The following ODC1 variants were observed in gnomAD, a reference collection of about 807,000 sequenced individuals.
ODC1 encodes ornithine decarboxylase.
In ODC1, 18 loss-of-function variants were observed where a neutral mutation model predicts 41.5. The ratio of observed to expected loss-of-function variants is 0.43; its 90% CI spans 0.30 to 0.64. The LOEUF is 0.64. Among genes scored for constraint, ODC1 ranks in the 30% least tolerant of loss-of-function variants. ODC1 has a pLI of 0.11. For synonymous variants in ODC1, 218 were observed against 211.6 expected (o/e 1.03, Z -0.26); for missense variants, 504 against 589.0 (o/e 0.86, Z 1.49).
Position 10,443,349 on chromosome 2 carries a change from C to G in ODC1, c.667-36G>C, listed in dbSNP as rs765895777. The G allele has an allele frequency of 1.7e-5, 27 of 1,593,842 alleles. No homozygotes were observed. In the South Asian group the frequency reaches 2.7e-4, roughly 16 times the overall value. On this transcript the variant is annotated intron_variant, in intron 7 of 11. Coordinates refer to ENST00000234111, the MANE Select transcript of ODC1 (RefSeq NM_002539.3). Reference sequence around the variant, plus strand: ...GAAAATAAGTCAGCCAGATCCACAGCTAATAACAAAAATGTATGCAGCAGA... The same window carrying G: ...GAAAATAAGTCAGCCAGATCCACAGGTAATAACAAAAATGTATGCAGCAGA...
At chr2:10,441,019 C>T (rs995404454) in intron 11 of ODC1, 151 bp from the exon 12 acceptor site, 21 of 899,528 alleles carry the variant, frequency 2.3e-5, no homozygotes, top group Admixed American at 1.4e-4. Context: ...TACAATGGTG[C>T]TATCATAGCT....
rs1271853206 is a variant in ODC1 at position 10,442,050 on chromosome 2, G to A, written c.875C>T (p.Ala292Val). ...SAFTLAVNII[A>V]KKIVLKEQTG... The stretch of plus-strand genomic sequence containing the variant: ...CTGTTCCTTTAATACAATTTTCTTG[G>A]CAATGATATTAACTGCAAGCGTGAA... The change falls in exon 9 of 12, where the codon GCC (alanine) becomes GTC (valine). Residue 292 changes from alanine (A) to valine (V), a missense_variant. By Grantham distance (64) the Ala-to-Val change is moderately conservative. Around this residue, in one of 3 missense-constraint regions of ODC1, gnomAD observed 447 missense variants for 524.4 expected, o/e 0.85. Transcript: ENST00000234111. The A allele has an allele frequency of 1.2e-6, 2 of 1,613,768 alleles. No individual in the cohort carries two copies. Among genetic ancestry groups the A allele is most frequent in the African/African-American group, 2.7e-5 (2 of 74,868 alleles).
chr2:10,445,191 C>T lies in ODC1; in HGVS notation c.-54G>A, dbSNP rs191647439. On this transcript the variant is annotated 5_prime_UTR_variant, in exon 2 of 12. Coordinates refer to ENST00000234111, the MANE Select transcript of ODC1 (RefSeq NM_002539.3). ...AGAGATGGAATTGAAAGAAATATTT[C>T]CAGCTTCTCACAAAGGCAACTCTCC... is the stretch of plus-strand genomic sequence containing the variant. The T allele has an allele frequency of 3.4e-5, 19 of 565,850 alleles. No homozygotes were observed. In the Admixed American group the frequency reaches 5.5e-4, roughly 16 times the overall value. The allele number at this position is 565,850 out of a possible 1,614,324, so 35.1% of individuals were successfully genotyped here. A position where few individuals can be genotyped will look rare whatever the true frequency, so the allele number is the denominator to read the frequency against.
At chr2:10,443,128 T>A (rs1671886384) in intron 8 of ODC1, 102 bp downstream of exon 8, 2 of 861,034 alleles carry the variant, frequency 2.3e-6, no homozygotes, top group Non-Finnish European at 3.9e-6. Flanking sequence ...CCAAGACACT[T>A]CAGCCCATTG....
Position 10,444,516 on chromosome 2 carries a change from C to T in ODC1, c.234G>A (p.Lys78=), listed in dbSNP as rs1193487341. The T allele has an allele frequency of 6.2e-7, 1 of 1,613,666 alleles. No homozygotes were observed. The highest frequency in any genetic ancestry group is 1.3e-5 in the African/African-American group (1 of 74,926). Residue 78 remains lysine (K), a synonymous_variant, in exon 4 of 12, where the codon AAG becomes AAA. Coordinates refer to ENST00000234111, the MANE Select transcript of ODC1 (RefSeq NM_002539.3). ...ATCCTGTCCCGGTAGCAGCAAGGGTCTTCACGATGGCTTTGCTATCATTAC... is the reference window on the plus strand; with the variant it reads ...ATCCTGTCCCGGTAGCAGCAAGGGTTTTCACGATGGCTTTGCTATCATTAC... The part of the protein sequence containing the change: ...VKCNDSKAIV[K]TLAATGTGFD...
intron 1 of ODC1, among the ~76,000 whole-genome samples, chr2:10,446,557 T>G (rs1285524919): frequency 6.6e-6 from 1 of 152,222 alleles, no homozygotes; most frequent in African/African-American, 2.4e-5. Context: ...GGGGCTAACT[T>G]CACCAAAAAA....
At position 10,440,235 on chromosome 2, in the gene ODC1, C is replaced by T. The variant is rs938490008; in HGVS notation, c.*489G>A. ...GTGGGGTGGGCTGAGCAGATGTGCA[C>T]CGTCCACATGGGAGGATGGGGCTTC... is the stretch of plus-strand genomic sequence containing the variant. On this transcript the variant is annotated 3_prime_UTR_variant, in exon 12 of 12. Transcript: ENST00000234111. 3 of 154,984 alleles carry T rather than the reference C, an allele frequency of 1.9e-5. No homozygotes were observed. The highest frequency in any genetic ancestry group is 1.9e-4 in the Admixed American group (3 of 15,612). The allele number at this position is 154,984 out of a possible 1,614,324, so 9.6% of individuals were successfully genotyped here.
Position 10,443,591 on chromosome 2 carries a change from C to G in ODC1, c.585-20G>C. The G allele has an allele frequency of 6.2e-7, 1 of 1,611,350 alleles. No individual in the cohort carries two copies. Among genetic ancestry groups the G allele is most frequent in the South Asian group, 1.1e-5 (1 of 91,034 alleles). ...TGGAAGCTGGGGTAAAATAAAGAGA[C>G]GAGACACTGTGTCTTAGTATTTCTT... is the stretch of plus-strand genomic sequence containing the variant. On this transcript the variant is annotated intron_variant, in intron 6 of 11. Transcript: ENST00000234111.
intron 1 of ODC1, chr2:10,446,664 AT>A: frequency 3.0e-6 from 1 of 330,774 alleles, no homozygotes; most frequent in Non-Finnish European, 5.8e-6. Flanking sequence ...TCTTAAAATT[AT>A]TTATTTTAAC....
Position 10,441,804 on chromosome 2 carries a change from G to A in ODC1, c.1026+13C>T. 1 of 1,612,874 alleles carries A rather than the reference G, an allele frequency of 6.2e-7. No individual in the cohort carries two copies. Among genetic ancestry groups the A allele is most frequent in the Non-Finnish European group, 8.5e-7 (1 of 1,178,896 alleles). ...TCCTCTTAATTGTTTTATACAGTAT[G>A]CTCAGAAATTACCTTTTGCAGAAGG... is the stretch of plus-strand genomic sequence containing the variant. On this transcript the variant is annotated intron_variant, in intron 10 of 11. Transcript: ENST00000234111.
chr2:10,447,901 G>A (rs1672086126), intron 1 of ODC1: 1 of 152,232 alleles, frequency 6.6e-6, no homozygotes, highest in Admixed American at 6.5e-5. Context: ...GAGCTGTGAA[G>A]ACGGGGGCAG....
chr2:10,441,576 C>G lies in ODC1; in HGVS notation c.1174G>C (p.Ala392Pro), dbSNP rs1487841758. 6.2e-7 allele frequency: 1 copy of G among 1,614,176 alleles called. No individual in the cohort carries two copies. Among genetic ancestry groups the G allele is most frequent in the East Asian group, 2.2e-5 (1 of 44,880 alleles). Residue 392 changes from alanine (A) to proline (P), a missense_variant, in exon 11 of 12, where the codon GCT becomes CCT. Coordinates refer to ENST00000234111, the MANE Select transcript of ODC1 (RefSeq NM_002539.3). ...LFENMGAYTV[A>P]AASTFNGFQR... ...AAGCCATTGAACGTAGAGGCAGCAG[C>G]AACAGTGTAAGCGCCCATGTTTTCA...
intron 11 of ODC1, 77 bp from the exon 12 acceptor site, chr2:10,440,945 G>T: frequency 1.3e-6 from 2 of 1,508,604 alleles, no homozygotes; most frequent in South Asian, 1.2e-5. Context: ...TTCCCATCAG[G>T]AAACAATTCA....
intron 1 of ODC1, among the ~76,000 whole-genome samples, chr2:10,446,178 G>GGC (rs1264849496): frequency 3.7e-4 from 54 of 145,814 alleles, no homozygotes; most frequent in African/African-American, 1.4e-3. Context: ...TTGTTGCCCA[G>GGC]GCTGGAGTGC....
chr2:10,441,978 G>GT (rs756671634), intron 9 of ODC1, 34 bp downstream of exon 9: 2 of 1,613,134 alleles, frequency 1.2e-6, no homozygotes, highest in Non-Finnish European at 1.7e-6. Flanking sequence ...TCAGCTTTCA[G>GT]TTATACATGA....
intron 6 of ODC1, 44 bp from the exon 7 acceptor site, chr2:10,443,615 T>C (rs759097637): frequency 6.2e-7 from 1 of 1,606,158 alleles, no homozygotes; most frequent in Non-Finnish European, 8.5e-7. Context: ...TTAGTATTTC[T>C]TAAAATAATA....
Position 10,443,166 on chromosome 2 carries a change from G to T in ODC1, c.750+64C>A, listed in dbSNP as rs1671888328. ...GTATTAGTTAAGACACTTAAATTTT[G>T]AAATATTCCAAAAAGGAATTTATTA... On this transcript the variant is annotated intron_variant, in intron 8 of 11. Transcript: ENST00000234111. The T allele has an allele frequency of 3.8e-6, 5 of 1,320,672 alleles. No individual in the cohort carries two copies. In the Admixed American group the frequency reaches 7.9e-5, roughly 21 times the overall value. The allele number at this position is 1,320,672 out of a possible 1,614,324, so 81.8% of individuals were successfully genotyped here.
In ODC1 at chr2:10,443,288, A is replaced by T. The variant is rs1671892473; in HGVS notation, c.692T>A (p.Leu231Gln). ...MGAEVGFSMY[L>Q]LDIGGGFPGS... ...AGGAAAGCCACCGCCAATATCAAGC[A>T]GATACATGCTGAAACCAACCTCAGC... Residue 231 changes from leucine (L) to glutamine (Q), a missense_variant, in exon 8 of 12, where the codon CTG (leucine) becomes CAG (glutamine). This residue lies in a region of ODC1 where 447 missense variants were observed against 524.4 expected (regional missense o/e 0.85). Transcript: ENST00000234111. 1 of 1,611,988 alleles carries T rather than the reference A, an allele frequency of 6.2e-7. No homozygotes were observed. Among genetic ancestry groups the T allele is most frequent in the Non-Finnish European group, 8.5e-7 (1 of 1,179,610 alleles).
At position 10,440,843 on chromosome 2, in the gene ODC1, G is replaced by A. The variant is rs1671797812; in HGVS notation, c.1267C>T (p.Pro423Ser). The A allele has an allele frequency of 1.9e-6, 3 of 1,613,972 alleles. No individual in the cohort carries two copies. The Admixed American group carries it at 5.0e-5, about 27-fold the overall frequency. Residue 423 changes from proline to serine, a missense_variant, in exon 12 of 12, where the codon CCC becomes TCC. Coordinates refer to ENST00000234111, the MANE Select transcript of ODC1 (RefSeq NM_002539.3). Reference sequence around the variant, plus strand: ...TCCTCTACTTCGGGTGGGAAGTCGGGGTTCTGGAATTGCTGCATGAGTTGC... The same window carrying A: ...TCCTCTACTTCGGGTGGGAAGTCGGAGTTCTGGAATTGCTGCATGAGTTGC... ...AWQLMQQFQN[P>S]DFPPEVEEQD...
Sources: gnomAD v4.1 joint callset for allele counts (sites outside exome capture counted in the v4.1 genomes callset) on GRCh38, gnomAD v4.1.1 for gene constraint, gnomAD v4.1.1 regional missense constraint, MANE v1.5 for transcripts, NCBI Gene and HGNC (gene_info 2026-07-23, HGNC 2026-07-21) for gene names.